NEGR1: variants seen among roughly 807,000 people sequenced by gnomAD.
NEGR1 encodes neuronal growth regulator 1.
In NEGR1, 10 loss-of-function variants were observed where a neutral mutation model predicts 40.9. That is an observed-to-expected ratio of 0.24 (90% CI 0.15 to 0.42). The LOEUF (loss-of-function observed/expected upper bound fraction) is 0.42, where lower values mean the gene tolerates loss of function less well. Ranked by LOEUF, NEGR1 falls within the 10% of genes least tolerant of loss-of-function variation. The pLI is 1.00. For synonymous variants in NEGR1, 185 were observed against 166.8 expected, an observed-to-expected ratio of 1.11 and a Z score of -0.84; for missense variants, 352 against 438.9, an observed-to-expected ratio of 0.80 and a Z score of 1.77.
At chr1:71,721,292 TGGA>T (rs1371448163) in intron 3 of NEGR1, among the ~76,000 whole-genome samples, 1 of 152,120 alleles carries the variant, frequency 6.6e-6, no homozygotes, top group African/African-American at 2.4e-5. Context: ...CAGCTAATGA[TGGA>T]GGTCAGTTGC....
At chr1:72,234,898 C>T (rs1654497576) in intron 1 of NEGR1, among the ~76,000 whole-genome samples, 3 of 152,162 alleles carry the variant, frequency 2.0e-5, no homozygotes, top group South Asian at 4.1e-4. Flanking sequence ...TACTTAAAAT[C>T]AGAAATCCCA....
chr1:71,431,838 G>A (rs1027070715), intron 6 of NEGR1, among the ~76,000 whole-genome samples: 3 of 152,176 alleles, frequency 2.0e-5, no homozygotes, highest in Non-Finnish European at 2.9e-5. Flanking sequence ...TTTGCCTAGA[G>A]ATTTAAATAA....
At chr1:71,838,807 G>T (rs1189860791) in intron 2 of NEGR1, among the ~76,000 whole-genome samples, 1 of 152,012 alleles carries the variant, frequency 6.6e-6, no homozygotes, top group Non-Finnish European at 1.5e-5. Flanking sequence ...AATCAAATGA[G>T]ATTTAATCTG....
intron 5 of NEGR1, among the ~76,000 whole-genome samples, chr1:71,604,437 C>A (rs1267102093): frequency 2.6e-5 from 4 of 152,016 alleles, no homozygotes; most frequent in African/African-American, 9.7e-5. Flanking sequence ...GGGGAGAAGA[C>A]CCACCCTCCC....
chr1:71,751,960 C>A (rs1239848825), intron 3 of NEGR1, among the ~76,000 whole-genome samples: 1 of 152,078 alleles, frequency 6.6e-6, no homozygotes, highest in Non-Finnish European at 1.5e-5. Flanking sequence ...ATGTAGTGGT[C>A]ATCTGGGTCA....
intron 2 of NEGR1, among the ~76,000 whole-genome samples, chr1:71,921,323 G>C (rs969315556): frequency 6.6e-6 from 1 of 152,002 alleles, no homozygotes. Context: ...ATCTTTACCA[G>C]TTGGGATACA....
At chr1:71,835,943 T>C (rs1315691918) in intron 2 of NEGR1, among the ~76,000 whole-genome samples, 1 of 152,074 alleles carries the variant, frequency 6.6e-6, no homozygotes, top group Non-Finnish European at 1.5e-5. Context: ...CACATATGTG[T>C]CTTTTATATT....
chr1:71,421,366 C>G (rs1646392422), intron 6 of NEGR1: 1 of 151,820 alleles, frequency 6.6e-6, no homozygotes, highest in African/African-American at 2.4e-5. Context: ...AATTTTTTTT[C>G]CAGTGAAGGA....
At chr1:72,043,821 T>C (rs2100461836) in intron 1 of NEGR1, among the ~76,000 whole-genome samples, 1 of 152,000 alleles carries the variant, frequency 6.6e-6, no homozygotes. Flanking sequence ...CTGTAACCCA[T>C]TTTGTATTAG....
intron 6 of NEGR1, among the ~76,000 whole-genome samples, chr1:71,574,641 T>A (rs1648905657): frequency 6.6e-6 from 1 of 152,140 alleles, no homozygotes; most frequent in Non-Finnish European, 1.5e-5. Flanking sequence ...ATAGCATTCA[T>A]GTCTTAGGAA....
chr1:71,724,345 G>A (rs1187013180), intron 3 of NEGR1, among the ~76,000 whole-genome samples: 1 of 152,130 alleles, frequency 6.6e-6, no homozygotes, highest in Non-Finnish European at 1.5e-5. Flanking sequence ...ATAGATGATA[G>A]TTACATAGAT....
At position 71,981,758 on chromosome 1, in the gene NEGR1, C is replaced by T. The variant is rs139055704; in HGVS notation, c.177-46447G>A. 4.5e-3 allele frequency among the ~76,000 whole-genome samples: 684 copies of T among 152,064 alleles called. 1 individual carries two copies. The highest frequency in any genetic ancestry group is 8.2e-3 in the Non-Finnish European group (555 of 67,940). ...TAACAAGAATGTTATGTCTAATGGC[C>T]CCAGCCTTACCAGTAACTAGAAGGT... On this transcript the variant is annotated intron_variant, in intron 1 of 6. Transcript: ENST00000357731.
Position 71,423,882 on chromosome 1 carries a change from T to A in NEGR1, c.941-16312A>T, listed in dbSNP as rs187798835. 4.7e-5 allele frequency among the ~76,000 whole-genome samples: 7 copies of A among 148,622 alleles called. 1 individual carries two copies. The highest frequency in any genetic ancestry group is 1.7e-4 in the African/African-American group (7 of 40,774). ...TTCAGAACATTTTGAGTATAAAGAA[T>A]TAAGACCTTCAACAAAATACTGCAG... On this transcript the variant is annotated intron_variant, in intron 6 of 6. Transcript: ENST00000357731.
At chr1:72,125,830 AAAGT>A (rs2100300859) in intron 1 of NEGR1, among the ~76,000 whole-genome samples, 1 of 152,290 alleles carries the variant, frequency 6.6e-6, no homozygotes, top group East Asian at 1.9e-4. Flanking sequence ...CCACCAGAAC[AAAGT>A]AAGAAACAAT....
chr1:71,861,778 GTAAT>G (rs1399563967), intron 2 of NEGR1, among the ~76,000 whole-genome samples: 1 of 152,108 alleles, frequency 6.6e-6, no homozygotes, highest in Non-Finnish European at 1.5e-5. Flanking sequence ...AAGTTAGTGA[GTAAT>G]TATCACTGTT....
intron 6 of NEGR1, among the ~76,000 whole-genome samples, chr1:71,568,589 A>G (rs1328474787): frequency 6.6e-6 from 1 of 152,200 alleles, no homozygotes; most frequent in East Asian, 1.9e-4. Flanking sequence ...GTAAATAACA[A>G]CAAAAAATGT....
At chr1:71,872,918 T>A (rs1347201702) in intron 2 of NEGR1, among the ~76,000 whole-genome samples, 6 of 152,122 alleles carry the variant, frequency 3.9e-5, no homozygotes, top group Admixed American at 3.9e-4. Context: ...ATTTCTTGTT[T>A]ATTTTTCCTA....
intron 1 of NEGR1, among the ~76,000 whole-genome samples, chr1:72,118,223 A>G (rs1376298125): frequency 2.6e-5 from 4 of 151,872 alleles, no homozygotes; most frequent in Non-Finnish European, 5.9e-5. Flanking sequence ...GGTGTGCTAT[A>G]AAACACTGGT....
At chr1:72,266,317 A>G (rs545500439) in intron 1 of NEGR1, among the ~76,000 whole-genome samples, 178 of 151,096 alleles carry the variant, frequency 1.2e-3, no homozygotes, top group Middle Eastern at 3.4e-3. Flanking sequence ...CATATGTACC[A>G]TAAGTACATA....
Sources: allele counts gnomAD v4.1 joint callset (sites outside exome capture counted in the v4.1 genomes callset), GRCh38; gene constraint gnomAD v4.1.1; transcripts MANE v1.5; gene names NCBI Gene and HGNC (gene_info 2026-07-23, HGNC 2026-07-21).